The following TAFA1 variants were observed in gnomAD, a reference collection of about 807,000 sequenced individuals.
The protein encoded by TAFA1 is chemokine-like protein TAFA-1.
In TAFA1, 4 loss-of-function variants were observed where a neutral mutation model predicts 18.5. That is an observed-to-expected ratio of 0.22 (90% confidence interval 0.11 to 0.49). TAFA1 has a LOEUF of 0.49. TAFA1 is among the 20% of genes least tolerant of loss of function. TAFA1 has a pLI of 0.98. For synonymous variants in TAFA1, 56 were observed against 55.2 expected (o/e 1.01, Z -0.06); for missense variants, 147 against 169.0 (o/e 0.87, Z 0.72).
At chr3:68,371,889 T>G (rs551528678) in intron 2 of TAFA1, among the ~76,000 whole-genome samples, 13 of 152,290 alleles carry the variant, frequency 8.5e-5, no homozygotes, top group African/African-American at 3.1e-4. Context: ...ACCAGCTAAT[T>G]GCTCCCATGG....
intron 2 of TAFA1, among the ~76,000 whole-genome samples, chr3:68,215,000 C>T (rs1293502584): frequency 1.3e-5 from 2 of 151,938 alleles, no homozygotes; most frequent in African/African-American, 4.8e-5. Flanking sequence ...ATGAAGGACA[C>T]TCAGATTTCT....
At chr3:68,161,368 A>C (rs1192849655) in intron 2 of TAFA1, among the ~76,000 whole-genome samples, 1 of 152,128 alleles carries the variant, frequency 6.6e-6, no homozygotes, top group Non-Finnish European at 1.5e-5. Context: ...GGGGTTCTCA[A>C]AGAGTAGTCT....
intron 2 of TAFA1, among the ~76,000 whole-genome samples, chr3:68,058,638 G>C (rs1030517111): frequency 6.6e-6 from 1 of 152,060 alleles, no homozygotes; most frequent in African/African-American, 2.4e-5. Context: ...CTAAATTCCA[G>C]AGGTAAAGAA....
chr3:68,093,882 C>A (rs1033190545), intron 2 of TAFA1, among the ~76,000 whole-genome samples: 2 of 152,090 alleles, frequency 1.3e-5, no homozygotes, highest in Admixed American at 1.3e-4. Flanking sequence ...TTCCTCTACC[C>A]ATGGCATATA....
In TAFA1 at chr3:68,006,752, A is replaced by C; in HGVS notation, c.118+8A>C. On this transcript the variant is annotated splice_region_variant and intron_variant, in intron 2 of 4. Transcript: ENST00000478136. The stretch of plus-strand genomic sequence containing the variant: ...ATCACCTGCACAGACCAGGTAAGTC[A>C]GGAGCTGGCTCCACTGCAGCCTCCT... 1 of 1,592,094 alleles carries C rather than the reference A, an allele frequency of 6.3e-7. No homozygotes were observed. The highest frequency in any genetic ancestry group is 8.6e-7 in the Non-Finnish European group (1 of 1,159,934).
intron 2 of TAFA1, among the ~76,000 whole-genome samples, chr3:68,153,614 A>G (rs2065832427): frequency 6.6e-6 from 1 of 152,142 alleles, no homozygotes. Flanking sequence ...ACTGCCAGGA[A>G]TTAGCATCAC....
intron 3 of TAFA1, among the ~76,000 whole-genome samples, chr3:68,490,810 T>C (rs900920840): frequency 6.6e-6 from 1 of 151,758 alleles, no homozygotes; most frequent in African/African-American, 2.4e-5. Context: ...CAAAGTTATT[T>C]AGAATCCTCT....
intron 2 of TAFA1, among the ~76,000 whole-genome samples, chr3:68,177,883 G>A (rs9871420): frequency 0.66 from 100,491 of 152,076 alleles, 34,204 homozygotes; most frequent in South Asian, 0.77. Flanking sequence ...GGTGGCTCAC[G>A]CCTGTAATCC....
chr3:68,047,703 A>G (rs2064407112), intron 2 of TAFA1, among the ~76,000 whole-genome samples: 1 of 152,168 alleles, frequency 6.6e-6, no homozygotes, highest in Non-Finnish European at 1.5e-5. Context: ...GGAACCCAGG[A>G]GCACAACAAC....
upstream of TAFA1, among the ~76,000 whole-genome samples, chr3:67,999,839 G>A (rs985796185): frequency 6.6e-6 from 1 of 150,726 alleles, no homozygotes; most frequent in African/African-American, 2.4e-5. Context: ...CACTCAGGCT[G>A]GAGTGCAATG....
rs545443046 is a variant in TAFA1 at position 68,049,479 on chromosome 3, C to T, written c.118+42735C>T. 2.6e-5 allele frequency among the ~76,000 whole-genome samples: 4 copies of T among 152,018 alleles called. No homozygotes were observed. In the East Asian group the frequency reaches 7.8e-4, roughly 30 times the overall value. On this transcript the variant is annotated intron_variant, in intron 2 of 4. Transcript: ENST00000478136. ...GTGATTATTTGTTTGTTTTCCAACA[C>T]TGAAGAGGAGAAGAAATGTCATTTG...
rs1039488901 is a variant in TAFA1 at position 68,433,489 on chromosome 3, C to A, written c.259+16069C>A. Among the ~76,000 whole-genome samples, 6 of 152,198 alleles carry A rather than the reference C, an allele frequency of 3.9e-5. No individual in the cohort carries two copies. In the South Asian group the frequency reaches 1.2e-3, roughly 32 times the overall value. ...CTTCCCTCTTTGGAACACAAATTCC[C>A]ACTTTAAATTACATTTTAATACTAT... On this transcript the variant is annotated intron_variant, in intron 3 of 4. Coordinates refer to ENST00000478136, the MANE Select transcript of TAFA1 (RefSeq NM_213609.4).
Position 68,514,719 on chromosome 3 carries a change from G to GAAA in TAFA1, c.260-24028_260-24026dup, listed in dbSNP as rs11388134. Among the ~76,000 whole-genome samples the GAAA allele has an allele frequency of 3.8e-3, 557 of 147,428 alleles. 7 individuals are homozygous for GAAA. The highest frequency in any genetic ancestry group is 0.011 in the Middle Eastern group (3 of 280). ...TAACACCAGGGTACCACCCAGCAAT[G>GAAA]AAAAAAAAAAACGTTTTTTCCCAAT... On this transcript the variant is annotated intron_variant, in intron 3 of 4. Coordinates refer to ENST00000478136, the MANE Select transcript of TAFA1 (RefSeq NM_213609.4).
chr3:68,514,403 G>C (rs1023101487), intron 3 of TAFA1, among the ~76,000 whole-genome samples: 1 of 152,150 alleles, frequency 6.6e-6, no homozygotes, highest in Non-Finnish European at 1.5e-5. Context: ...AAATATATAT[G>C]TGTAGAGAGC....
chr3:68,429,851 T>A (rs188122730), intron 3 of TAFA1, among the ~76,000 whole-genome samples: 2 of 151,954 alleles, frequency 1.3e-5, no homozygotes, highest in Admixed American at 1.3e-4. Context: ...AATGCCCACC[T>A]GTGAGTCCTT....
intron 2 of TAFA1, among the ~76,000 whole-genome samples, chr3:68,276,069 G>A (rs2067790226): frequency 1.3e-5 from 2 of 151,618 alleles, no homozygotes; most frequent in South Asian, 4.2e-4. Context: ...TACCCTGACT[G>A]TATATCTACT....
chr3:68,372,935 A>G (rs2069739917), intron 2 of TAFA1, among the ~76,000 whole-genome samples: 1 of 152,170 alleles, frequency 6.6e-6, no homozygotes, highest in African/African-American at 2.4e-5. Flanking sequence ...ACGATAGTAA[A>G]CAGGAAGGCC....
intron 2 of TAFA1, among the ~76,000 whole-genome samples, chr3:68,208,916 G>A (rs1436627562): frequency 1.3e-5 from 2 of 151,896 alleles, no homozygotes; most frequent in African/African-American, 2.4e-5. Context: ...TAAAAAACAG[G>A]TGTAATGGAA....
intron 2 of TAFA1, among the ~76,000 whole-genome samples, chr3:68,051,180 A>G (rs2064467060): frequency 6.6e-6 from 1 of 152,168 alleles, no homozygotes; most frequent in African/African-American, 2.4e-5. Context: ...AGGCTAATCC[A>G]TATGCTAGGC....
Sources: gnomAD v4.1 joint callset for allele counts (sites outside exome capture counted in the v4.1 genomes callset) on GRCh38, gnomAD v4.1.1 for gene constraint, MANE v1.5 for transcripts, NCBI Gene and HGNC (gene_info 2026-07-23, HGNC 2026-07-21) for gene names.